CIB4: variants seen among roughly 807,000 people sequenced by gnomAD.
The protein encoded by CIB4 is calcium and integrin-binding family member 4.
Under a neutral mutation model 25.8 loss-of-function variants are expected in CIB4, and 25 were observed. The observed-to-expected ratio is 0.97, with a 90% CI of 0.71 to 1.35. The LOEUF is 1.35. Among genes scored for constraint, CIB4 ranks in the 40% most tolerant of loss-of-function variants. CIB4 has a pLI of 0.00. For synonymous variants in CIB4, 75 were observed against 81.4 expected, an observed-to-expected ratio of 0.92 and a Z score of 0.42; for missense variants, 235 against 228.2, an observed-to-expected ratio of 1.03 and a Z score of -0.19.
At chr2:26,640,424 C>A (rs1255275204) in intron 2 of CIB4, 109 bp downstream of exon 2, 17 of 1,211,730 alleles carry the variant, frequency 1.4e-5, no homozygotes, top group Non-Finnish European at 2.0e-5. Context: ...GGCTGTGTGG[C>A]TCTGAGCAGG....
At chr2:26,588,393 A>G (rs1668495897) in intron 4 of CIB4, among the ~76,000 whole-genome samples, 1 of 152,128 alleles carries the variant, frequency 6.6e-6, no homozygotes, top group East Asian at 1.9e-4. Context: ...GAGCTCCGGG[A>G]GGCTGACCAG....
chr2:26,633,777 A>G (rs1669479298), intron 2 of CIB4, among the ~76,000 whole-genome samples: 1 of 152,198 alleles, frequency 6.6e-6, no homozygotes, highest in Non-Finnish European at 1.5e-5. Flanking sequence ...CCTTCCACAC[A>G]GCCCAGAGAG....
chr2:26,607,896 G>A (rs1258974626), intron 3 of CIB4, among the ~76,000 whole-genome samples: 1 of 152,252 alleles, frequency 6.6e-6, no homozygotes, highest in Non-Finnish European at 1.5e-5. Flanking sequence ...TGGCCAGCCA[G>A]GCTGATGTGA....
Position 26,635,006 on chromosome 2 carries a change from C to T in CIB4, c.90-5500G>A, listed in dbSNP as rs10203796. On this transcript the variant is annotated intron_variant, in intron 2 of 6. Coordinates refer to ENST00000288861, the MANE Select transcript of CIB4 (RefSeq NM_001029881.3). Reference sequence around the variant, plus strand: ...TTGCCCAGGAAGCCACATGGGCCCTCTTTGGGTCTGCAGGGTCTGCACGGT... The same window carrying T: ...TTGCCCAGGAAGCCACATGGGCCCTTTTTGGGTCTGCAGGGTCTGCACGGT... Among the ~76,000 whole-genome samples the T allele has an allele frequency of 3.6e-3, 547 of 152,374 alleles. 4 individuals are homozygous for T. Among genetic ancestry groups the T allele is most frequent in the African/African-American group, 0.012 (502 of 41,596 alleles).
intron 5 of CIB4, among the ~76,000 whole-genome samples, chr2:26,583,482 G>A (rs1668390752): frequency 6.6e-6 from 1 of 152,210 alleles, no homozygotes; most frequent in African/African-American, 2.4e-5. Flanking sequence ...TCCCTGTCAT[G>A]TAGGGAGGCC....
chr2:26,591,892 T>C (rs1668592921), intron 4 of CIB4, among the ~76,000 whole-genome samples: 1 of 152,118 alleles, frequency 6.6e-6, no homozygotes, highest in African/African-American at 2.4e-5. Flanking sequence ...AGGAAGTAAA[T>C]TCTGCCAACA....
rs777496280 is a variant in CIB4 at position 26,641,249 on chromosome 2, C to T, written c.54+12G>A. On this transcript the variant is annotated intron_variant, in intron 1 of 6. Coordinates refer to ENST00000288861, the MANE Select transcript of CIB4 (RefSeq NM_001029881.3). ...CCACCTCTGCCCAGAGTCCCTAGCC[C>T]GATCTACCCACCTGGTACTCTTCCA... 1.5e-5 allele frequency: 24 copies of T among 1,609,660 alleles called. No homozygotes were observed. The highest frequency in any genetic ancestry group is 9.9e-5 in the South Asian group (9 of 90,994).
intron 3 of CIB4, among the ~76,000 whole-genome samples, chr2:26,610,389 C>T (rs1350438678): frequency 6.6e-6 from 1 of 152,254 alleles, no homozygotes; most frequent in African/African-American, 2.4e-5. Flanking sequence ...ACCCACTGCC[C>T]CACGCTCAGT....
At chr2:26,611,600 T>G (rs1385717139) in intron 3 of CIB4, among the ~76,000 whole-genome samples, 1 of 152,168 alleles carries the variant, frequency 6.6e-6, no homozygotes, top group Non-Finnish European at 1.5e-5. Context: ...GACAGTTCTA[T>G]CCATCTAAAA....
At chr2:26,600,153 C>G (rs192585999) in intron 3 of CIB4, among the ~76,000 whole-genome samples, 1 of 143,842 alleles carries the variant, frequency 7.0e-6, no homozygotes, top group Non-Finnish European at 1.5e-5. Context: ...TCCTGTAATC[C>G]CAGCACTTTG....
rs371868913 is a variant in CIB4 at position 26,593,373 on chromosome 2, C to T, written c.328+1803G>A. ...ATATATACATATACATATATACACA[C>T]GCACACATATACACACACACATATA... is the stretch of plus-strand genomic sequence containing the variant. On this transcript the variant is annotated intron_variant, in intron 4 of 6. Coordinates refer to ENST00000288861, the MANE Select transcript of CIB4 (RefSeq NM_001029881.3). 3.2e-4 allele frequency among the ~76,000 whole-genome samples: 49 copies of T among 151,374 alleles called. 1 individual carries two copies. The highest frequency in any genetic ancestry group is 2.7e-3 in the East Asian group (14 of 5,114).
At chr2:26,618,722 G>C (rs527456545) in intron 3 of CIB4, among the ~76,000 whole-genome samples, 7 of 152,342 alleles carry the variant, frequency 4.6e-5, no homozygotes, top group South Asian at 2.1e-4. Context: ...CCGAGGGCCT[G>C]GTCCTAGCCT....
intron 4 of CIB4, 92 bp downstream of exon 4, chr2:26,595,084 C>A: frequency 7.9e-7 from 1 of 1,263,380 alleles, no homozygotes; most frequent in Non-Finnish European, 1.1e-6. Context: ...CCAGTTAATG[C>A]CATCCATCAA....
chr2:26,615,555 T>A (rs906778389), intron 3 of CIB4, among the ~76,000 whole-genome samples: 1 of 149,404 alleles, frequency 6.7e-6, no homozygotes, highest in Non-Finnish European at 1.5e-5. Flanking sequence ...AGCCAGCAGA[T>A]GGGAAAGCTA....
intron 1 of CIB4, 132 bp from the exon 2 acceptor site, chr2:26,640,699 T>C (rs1669619101): frequency 2.2e-6 from 2 of 893,828 alleles, no homozygotes; most frequent in Admixed American, 4.4e-5. Context: ...AACCCCAGGT[T>C]GAGGTGGATG....
chr2:26,626,635 T>C (rs890624704), intron 3 of CIB4, among the ~76,000 whole-genome samples: 3 of 152,088 alleles, frequency 2.0e-5, no homozygotes, highest in East Asian at 1.9e-4. Context: ...ATCAGAAAAG[T>C]AAAATTAAAA....
At chr2:26,601,247 T>C in intron 3 of CIB4, among the ~76,000 whole-genome samples, 1 of 127,528 alleles carries the variant, frequency 7.8e-6, no homozygotes, top group Non-Finnish European at 1.6e-5. Flanking sequence ...TATATATATA[T>C]ATATATATAT....
At chr2:26,606,242 A>G (rs1668887678) in intron 3 of CIB4, among the ~76,000 whole-genome samples, 1 of 152,218 alleles carries the variant, frequency 6.6e-6, no homozygotes, top group South Asian at 2.1e-4. Flanking sequence ...GCACTTACAG[A>G]TGTTTCTTCA....
At chr2:26,595,859 T>C (rs1668671656) in intron 3 of CIB4, among the ~76,000 whole-genome samples, 1 of 151,788 alleles carries the variant, frequency 6.6e-6, no homozygotes, top group South Asian at 2.1e-4. Context: ...AGGACACCAA[T>C]ACACTCCTTA....
Sources: allele counts gnomAD v4.1 joint callset (sites outside exome capture counted in the v4.1 genomes callset), GRCh38; gene constraint gnomAD v4.1.1; transcripts MANE v1.5; gene names NCBI Gene and HGNC (gene_info 2026-07-23, HGNC 2026-07-21).